The following IL31RA variants were observed in gnomAD, a reference collection of about 807,000 sequenced individuals.
The protein encoded by IL31RA is interleukin-31 receptor subunit alpha.
In IL31RA, 66 loss-of-function variants were observed where a neutral mutation model predicts 83.7. The ratio of observed to expected loss-of-function variants is 0.79; its 90% CI spans 0.65 to 0.97. IL31RA has a LOEUF of 0.97. IL31RA is among the 50% of genes least tolerant of loss of function. The pLI, the probability that IL31RA is intolerant of heterozygous loss-of-function variation, is 0.00. For missense variants in IL31RA, 798 were observed against 919.4 expected (o/e 0.87, Z 1.71); for synonymous variants, 325 against 329.0 (o/e 0.99, Z 0.13).
chr5:55,902,526 A>T (rs896871026), intron 8 of IL31RA: 2 of 151,674 alleles, frequency 1.3e-5, no homozygotes, highest in African/African-American at 4.9e-5. Flanking sequence ...AGTCCCAGCT[A>T]CTTGAGAGGC....
chr5:55,888,050 A>G (rs966047538), intron 5 of IL31RA, among the ~76,000 whole-genome samples: 4 of 151,914 alleles, frequency 2.6e-5, no homozygotes, highest in African/African-American at 9.7e-5. Flanking sequence ...GGAAAAAAAA[A>G]AAAACAAAAA....
At chr5:55,869,189 C>A (rs1208493142) in intron 3 of IL31RA, among the ~76,000 whole-genome samples, 1 of 152,198 alleles carries the variant, frequency 6.6e-6, no homozygotes, top group Non-Finnish European at 1.5e-5. Context: ...CTCAACTATA[C>A]CCTGCCTCTT....
chr5:55,854,470 C>A (rs1268558562), intron 1 of IL31RA, among the ~76,000 whole-genome samples: 5 of 152,116 alleles, frequency 3.3e-5, no homozygotes, highest in African/African-American at 1.2e-4. Flanking sequence ...GCAGGCCGGG[C>A]AAAGTGGCTC....
chr5:55,911,092 G>C (rs562623125), intron 12 of IL31RA, among the ~76,000 whole-genome samples: 1 of 152,304 alleles, frequency 6.6e-6, no homozygotes, highest in South Asian at 2.1e-4. Context: ...CCGGGACTGG[G>C]TAATTTATAA....
intron 1 of IL31RA, among the ~76,000 whole-genome samples, chr5:55,854,477 G>T (rs1489157157): frequency 6.6e-6 from 1 of 152,078 alleles, no homozygotes. Context: ...GGGCAAAGTG[G>T]CTCACACCTG....
At chr5:55,862,939 C>A (rs190279338) in intron 2 of IL31RA, among the ~76,000 whole-genome samples, 2 of 152,284 alleles carry the variant, frequency 1.3e-5, no homozygotes, top group South Asian at 4.1e-4. Context: ...TTGTGACAAT[C>A]TTCTGAGGGA....
rs985227066 is a variant in IL31RA, at chr5:55,917,104, C to T, written c.2279C>T (p.Thr760Ile). 2 of 1,614,036 alleles carry T rather than the reference C, an allele frequency of 1.2e-6. No individual in the cohort carries two copies. Among genetic ancestry groups the T allele is most frequent in the African/African-American group, 2.7e-5 (2 of 74,928 alleles). The change falls in exon 15 of 15, where the codon ACC becomes ATC. Residue 760 changes from threonine (T) to isoleucine (I), a missense_variant. By Grantham distance (89) the Thr-to-Ile change is moderately conservative. Coordinates refer to ENST00000652347, the MANE Select transcript of IL31RA (RefSeq NM_139017.7). ...GTGTCTGAAAAACTTCCAGAGCACA[C>T]CAAGGGAGAAGTCTAAATGCGACCA... ...FLVSEKLPEH[T>I]KGEV is the part of the protein sequence containing the mutation.
Position 55,883,115 on chromosome 5 carries a change from T to C in IL31RA, c.526T>C (p.Trp176Arg), listed in dbSNP as rs759964694. 6.2e-7 allele frequency: 1 copy of C among 1,614,094 alleles called. No individual in the cohort carries two copies. The highest frequency in any genetic ancestry group is 1.1e-5 in the South Asian group (1 of 91,086). ...CATCAAACGAATGATTCAAATTGAA[T>C]GGATAAAGCCTGAGTTGGCGCCTGT... is the stretch of plus-strand genomic sequence containing the variant. ...LGIKRMIQIE[W>R]IKPELAPVSS... Residue 176 changes from tryptophan (W) to arginine (R), a missense_variant, in exon 5 of 15, where the codon TGG becomes CGG. Coordinates refer to ENST00000652347, the MANE Select transcript of IL31RA (RefSeq NM_139017.7).
rs561321146 is a variant in IL31RA, at chr5:55,894,624, C to A, written c.773-1726C>A. The stretch of plus-strand genomic sequence containing the variant: ...GAGTAGTTGTAGAAGTGTGACTCTC[C>A]ATTAAAGGCAAAACAAGTTATTAAC... On this transcript the variant is annotated intron_variant, in intron 6 of 14. Transcript: ENST00000652347. Among the ~76,000 whole-genome samples, 8 of 152,300 alleles carry A rather than the reference C, an allele frequency of 5.3e-5. No homozygotes were observed. In the South Asian group the frequency reaches 1.7e-3, roughly 32 times the overall value.
chr5:55,901,973 G>A (rs573251415), intron 8 of IL31RA, among the ~76,000 whole-genome samples: 17 of 152,176 alleles, frequency 1.1e-4, no homozygotes, highest in African/African-American at 3.4e-4. Context: ...ACAGATTATC[G>A]ACTTTAAAAA....
At chr5:55,906,043 G>C (rs1331780577) in intron 8 of IL31RA, 63 bp from the exon 9 acceptor site, 3 of 1,523,606 alleles carry the variant, frequency 2.0e-6, no homozygotes, top group African/African-American at 1.4e-5. Flanking sequence ...GGATGCCAGT[G>C]TGGTTGTTGC....
chr5:55,861,167 G>C (rs1745656911), intron 2 of IL31RA, among the ~76,000 whole-genome samples: 1 of 152,112 alleles, frequency 6.6e-6, no homozygotes, highest in South Asian at 2.1e-4. Context: ...GTACTAATTG[G>C]GGTCACCAAG....
chr5:55,919,748 C>T lies in IL31RA; in HGVS notation c.*2628C>T, dbSNP rs1043615132. 2.6e-5 allele frequency among the ~76,000 whole-genome samples: 4 copies of T among 152,174 alleles called. No individual in the cohort carries two copies. Among genetic ancestry groups the T allele is most frequent in the African/African-American group, 9.7e-5 (4 of 41,430 alleles). The stretch of plus-strand genomic sequence containing the variant: ...GTCCCCAAAAGGCACTGGTGGGCCA[C>T]ACCTTAGCTCTCCTGAGCAGGTTCA... On this transcript the variant is annotated 3_prime_UTR_variant, in exon 15 of 15. Transcript: ENST00000652347.
At position 55,888,053 on chromosome 5, in the gene IL31RA, A is replaced by C. The variant is rs555647834; in HGVS notation, c.607-1917A>C. Among the ~76,000 whole-genome samples the C allele has an allele frequency of 2.7e-3, 415 of 152,152 alleles. 5 individuals are homozygous for C. Among genetic ancestry groups the C allele is most frequent in the African/African-American group, 9.1e-3 (378 of 41,532 alleles). ...CAACAGAGTCAGGGAAAAAAAAAAAAACAAAAAACCACACACACAGAATTT... is the reference window on the plus strand; with the variant it reads ...CAACAGAGTCAGGGAAAAAAAAAAACACAAAAAACCACACACACAGAATTT... On this transcript the variant is annotated intron_variant, in intron 5 of 14. Transcript: ENST00000652347.
chr5:55,867,489 T>G (rs1746259810), intron 2 of IL31RA, among the ~76,000 whole-genome samples: 1 of 152,086 alleles, frequency 6.6e-6, no homozygotes, highest in Admixed American at 6.6e-5. Context: ...ATCATCAAAA[T>G]ATTAAAGAAA....
intron 1 of IL31RA, among the ~76,000 whole-genome samples, chr5:55,857,689 T>C (rs1745441410): frequency 6.6e-6 from 1 of 152,220 alleles, no homozygotes; most frequent in South Asian, 2.1e-4. Flanking sequence ...ACTGCAGAAA[T>C]ATGACATGAG....
intron 5 of IL31RA, among the ~76,000 whole-genome samples, chr5:55,887,702 C>G (rs891645456): frequency 6.6e-6 from 1 of 151,984 alleles, no homozygotes; most frequent in South Asian, 2.1e-4. Flanking sequence ...CTGGCCAACA[C>G]GGTGAAACCC....
At chr5:55,839,872 C>G in the IL31RA span, 1 of 737,002 alleles carries the variant, frequency 1.4e-6, no homozygotes, top group Non-Finnish European at 2.5e-6. Flanking sequence ...TGTCACCCAG[C>G]CTGCCTTCTC....
rs555827792 is a variant in IL31RA at position 55,922,234 on chromosome 5, G to A, written c.*5114G>A. ...TTGACACAGAGCTCTATGCAGGGCT[G>A]TGCTGCCCAAGACGCTTGTCGTGTG... is the stretch of plus-strand genomic sequence containing the variant. On this transcript the variant is annotated 3_prime_UTR_variant, in exon 15 of 15. Transcript: ENST00000652347. 3.9e-5 allele frequency among the ~76,000 whole-genome samples: 6 copies of A among 152,244 alleles called. No homozygotes were observed. The highest frequency in any genetic ancestry group is 1.4e-4 in the African/African-American group (6 of 41,536).
Sources: gnomAD v4.1 joint callset for allele counts (sites outside exome capture counted in the v4.1 genomes callset) on GRCh38, gnomAD v4.1.1 for gene constraint, MANE v1.5 for transcripts, NCBI Gene and HGNC (gene_info 2026-07-23, HGNC 2026-07-21) for gene names.